The following HIP1R variants were observed in gnomAD, a reference collection of about 807,000 sequenced individuals.
HIP1R encodes the protein huntingtin interacting protein 1 related, also known as huntingtin-interacting protein 1-related protein.
A neutral mutation model predicts 144.2 loss-of-function variants in HIP1R; 135 were observed. The observed-to-expected ratio is 0.94, with a 90% confidence interval of 0.81 to 1.08. The LOEUF (loss-of-function observed/expected upper bound fraction) is 1.08, where lower values mean the gene tolerates loss of function less well. Among genes scored for constraint, HIP1R ranks in the 50% least tolerant of loss-of-function variants. The pLI is 0.00. For synonymous variants in HIP1R, 698 were observed against 612.8 expected, an observed-to-expected ratio of 1.14 and a Z score of -2.05; for missense variants, 1,462 against 1,432.8, an observed-to-expected ratio of 1.02 and a Z score of -0.33.
Position 122,862,194 on chromosome 12 carries a change from C to T in HIP1R, c.*441C>T, listed in dbSNP as rs912025259. 8 of 167,312 alleles carry T rather than the reference C, an allele frequency of 4.8e-5. No homozygotes were observed. The highest frequency in any genetic ancestry group is 2.8e-3 in the Middle Eastern group (1 of 360). 10.4% of individuals were successfully genotyped at this position (167,312 alleles called of 1,614,324 possible). ...TGGATGGAAGGCACACAGCCCGTGC[C>T]GGCTGATGGGACGAGGGTCAGGCAT... On this transcript the variant is annotated 3_prime_UTR_variant, in exon 32 of 32. Coordinates refer to ENST00000253083, the MANE Select transcript of HIP1R (RefSeq NM_003959.3).
chr12:122,850,912 G>A lies in HIP1R; in HGVS notation c.515+1G>A. 6.2e-7 allele frequency: 1 copy of A among 1,610,060 alleles called. No homozygotes were observed. The highest frequency in any genetic ancestry group is 8.5e-7 in the Non-Finnish European group (1 of 1,178,272). On this transcript the variant is annotated splice_donor_variant, in intron 6 of 31. Transcript: ENST00000253083. LOFTEE classifies it high-confidence loss of function. ...CAGCTGGGACCGATGTCAACAACAT[G>A]TGAGTCACTCTGCATGGCTACATAG...
intron 1 of HIP1R, among the ~76,000 whole-genome samples, chr12:122,839,439 G>T (rs1310040674): frequency 6.6e-6 from 1 of 152,212 alleles, no homozygotes; most frequent in East Asian, 1.9e-4. Flanking sequence ...GGTGTAAGGG[G>T]TTCCTGTGGG....
rs1229681199 is a variant in HIP1R, at chr12:122,856,718, A to G, written c.1612A>G (p.Thr538Ala). Residue 538 changes from threonine to alanine, a missense_variant, in exon 17 of 32, where the codon ACA becomes GCA. Physicochemically the swap from Thr to Ala is moderately conservative, Grantham distance 58. This residue lies in a region of HIP1R where 1,112 missense variants were observed against 1,011.7 expected (regional missense o/e 1.10). Transcript: ENST00000253083. ...CCGCGCGCAGGAGGCCCTGAGCCAC[A>G]CAGAGCAGGTGCATCTGGCTTTGAT... Reference protein sequence around the residue: ...LARAQEALSHTEQSKSELSSR... With the variant: ...LARAQEALSHAEQSKSELSSR... 9 of 1,574,280 alleles carry G rather than the reference A, an allele frequency of 5.7e-6. No individual in the cohort carries two copies. Among genetic ancestry groups the G allele is most frequent in the South Asian group, 1.2e-5 (1 of 86,178 alleles).
Position 122,858,157 on chromosome 12 carries a change from T to A in HIP1R, c.1871T>A (p.Leu624Ter). Reference protein sequence around the residue: ...QRLLDEQFAVLRGAAAEAAGI... With the variant: ...QRLLDEQFAV ...CTGCTGGACGAGCAGTTCGCAGTGT[T>A]GCGGGGCGCTGCTGCCGAGGCCGCG... The change falls in exon 19 of 32, where the codon TTG (leucine) becomes TAG (stop). Residue 624 changes from leucine (L) to a stop codon, truncating the protein, a stop_gained. Coordinates refer to ENST00000253083, the MANE Select transcript of HIP1R (RefSeq NM_003959.3). LOFTEE classifies it high-confidence loss of function. 1 of 1,605,878 alleles carries A rather than the reference T, an allele frequency of 6.2e-7. No homozygotes were observed. Among genetic ancestry groups the A allele is most frequent in the Non-Finnish European group, 8.5e-7 (1 of 1,178,406 alleles).
At chr12:122,855,182 G>A in intron 10 of HIP1R, 54 bp downstream of exon 10, 1 of 1,611,230 alleles carries the variant, frequency 6.2e-7, no homozygotes, top group Non-Finnish European at 8.5e-7. Flanking sequence ...GCACCTGGCT[G>A]GGCCCCACAC....
At chr12:122,847,590 G>T (rs1004511477) in intron 1 of HIP1R, among the ~76,000 whole-genome samples, 2 of 152,224 alleles carry the variant, frequency 1.3e-5, no homozygotes, top group Non-Finnish European at 2.9e-5. Flanking sequence ...GGGACAATGT[G>T]ATGTGCACCC....
intron 26 of HIP1R, 53 bp downstream of exon 26, chr12:122,860,263 C>T: frequency 6.5e-7 from 1 of 1,531,134 alleles, no homozygotes; most frequent in Non-Finnish European, 8.8e-7. Flanking sequence ...GACCCCCAGC[C>T]TAGGCCACCC....
In HIP1R at chr12:122,856,620, C is replaced by T. The variant is rs1471670383; in HGVS notation, c.1519-5C>T. On this transcript the variant is annotated splice_polypyrimidine_tract_variant and splice_region_variant and intron_variant, in intron 16 of 31. Coordinates refer to ENST00000253083, the MANE Select transcript of HIP1R (RefSeq NM_003959.3). ...CTGCCCCAGTGACACGCTGTCCTGTCCCAGCTAGAGGAGAAGAGCGACCAG... is the reference window on the plus strand; with the variant it reads ...CTGCCCCAGTGACACGCTGTCCTGTTCCAGCTAGAGGAGAAGAGCGACCAG... 1 of 1,603,212 alleles carries T rather than the reference C, an allele frequency of 6.2e-7. No homozygotes were observed. The highest frequency in any genetic ancestry group is 8.5e-7 in the Non-Finnish European group (1 of 1,174,934).
intron 18 of HIP1R, 66 bp downstream of exon 18, chr12:122,857,281 T>C: frequency 7.1e-7 from 1 of 1,399,498 alleles, no homozygotes; most frequent in Non-Finnish European, 9.9e-7. Flanking sequence ...TCGATCTGTC[T>C]CCGTGATCTG....
intron 5 of HIP1R, 82 bp from the exon 6 acceptor site, chr12:122,850,753 T>TG (rs766454509): frequency 5.2e-6 from 3 of 575,476 alleles, no homozygotes; most frequent in African/African-American, 5.2e-5. Flanking sequence ...GGCCGCTGGG[T>TG]GGGGGGGAGC....
intron 5 of HIP1R, 35 bp from the exon 6 acceptor site, chr12:122,850,800 G>T: frequency 6.3e-7 from 1 of 1,582,380 alleles, no homozygotes; most frequent in Admixed American, 1.8e-5. Context: ...GGGGGCCCTG[G>T]TTCAGTGGCC....
rs751339558 is a variant in HIP1R at position 122,837,565 on chromosome 12, C to G, written c.93+1922C>G. Among the ~76,000 whole-genome samples, 2 of 152,174 alleles carry G rather than the reference C, an allele frequency of 1.3e-5. 1 individual carries two copies. Among genetic ancestry groups the G allele is most frequent in the South Asian group, 4.1e-4 (2 of 4,832 alleles). On this transcript the variant is annotated intron_variant, in intron 1 of 31. Transcript: ENST00000253083. Reference sequence around the variant, plus strand: ...AACTCCTGACCTCAGGCGATCCACCCGCCTCACCTCGGCCTCCCGAGATGT... The same window carrying G: ...AACTCCTGACCTCAGGCGATCCACCGGCCTCACCTCGGCCTCCCGAGATGT...
chr12:122,842,251 A>C (rs2135634335), intron 1 of HIP1R, among the ~76,000 whole-genome samples: 1 of 152,338 alleles, frequency 6.6e-6, no homozygotes, highest in African/African-American at 2.4e-5. Flanking sequence ...TGTCCCTGCC[A>C]AGTGCTGCTG....
In HIP1R at chr12:122,860,400, C is replaced by T. The variant is rs80041188; in HGVS notation, c.2560-23C>T. ...TGGTGTCCTTGACTGGCATGTCCTGCCCTGTTCTCCCGTCGCCACTAGGGG... is the reference window on the plus strand; with the variant it reads ...TGGTGTCCTTGACTGGCATGTCCTGTCCTGTTCTCCCGTCGCCACTAGGGG... On this transcript the variant is annotated intron_variant, in intron 26 of 31. Transcript: ENST00000253083. 6.7e-3 allele frequency: 10,721 copies of T among 1,611,434 alleles called. 601 individuals carry two copies. The African/African-American group carries it at 0.12, about 19-fold the overall frequency.
intron 14 of HIP1R, 34 bp from the exon 15 acceptor site, chr12:122,856,222 C>G (rs1474225083): frequency 6.2e-7 from 1 of 1,612,780 alleles, no homozygotes; most frequent in East Asian, 2.2e-5. Flanking sequence ...TGCCACCCCA[C>G]ACGGGGCATC....
Position 122,851,257 on chromosome 12 carries a change from G to GT in HIP1R, c.540dup (p.Asp181Ter). The GT allele has an allele frequency of 6.4e-7, 1 of 1,551,182 alleles. No individual in the cohort carries two copies. The highest frequency in any genetic ancestry group is 8.6e-7 in the Non-Finnish European group (1 of 1,156,734). On this transcript the variant is annotated frameshift_variant, in exon 7 of 32. Transcript: ENST00000253083. LOFTEE classifies it high-confidence loss of function. ...GTAGCTTCCAGCTCACTGTGGAGAT[G>GT]TTTGATTACATGGATTGTGAGCTGA...
intron 23 of HIP1R, 66 bp downstream of exon 23, chr12:122,859,602 G>A: frequency 4.9e-6 from 7 of 1,429,560 alleles, no homozygotes; most frequent in Non-Finnish European, 6.8e-6. Flanking sequence ...GCCCCAACTG[G>A]GCTGGGTACA....
chr12:122,842,758 G>A (rs1016092381), intron 1 of HIP1R, among the ~76,000 whole-genome samples: 3 of 152,342 alleles, frequency 2.0e-5, no homozygotes, highest in South Asian at 2.1e-4. Flanking sequence ...TCTCGGGAGC[G>A]TCCCCTGCCT....
intron 18 of HIP1R, 79 bp from the exon 19 acceptor site, chr12:122,858,023 C>T: frequency 2.2e-6 from 3 of 1,358,848 alleles, no homozygotes; most frequent in East Asian, 2.4e-5. Context: ...ACTGGTGGCC[C>T]ATGGGTCATT....
Sources: gnomAD v4.1 joint callset for allele counts (sites outside exome capture counted in the v4.1 genomes callset) on GRCh38, gnomAD v4.1.1 for gene constraint, gnomAD v4.1.1 regional missense constraint, MANE v1.5 for transcripts, NCBI Gene and HGNC (gene_info 2026-07-23, HGNC 2026-07-21) for gene names.